DEUP1: variants seen among roughly 807,000 people sequenced by gnomAD.
The protein encoded by DEUP1 is deuterosome assembly protein 1, also known as coiled-coil domain containing 67.
Under a neutral mutation model 87.4 loss-of-function variants are expected in DEUP1, and 82 were observed. That is an observed-to-expected ratio of 0.94 (90% CI 0.78 to 1.13). The LOEUF is 1.13. Ranked by LOEUF, DEUP1 falls within the 50% of genes most tolerant of loss-of-function variation. The probability of loss-of-function intolerance (pLI) is 0.00; values close to 1 mark genes in which losing one functional copy is unlikely to be tolerated. For missense variants in DEUP1, 663 were observed against 681.5 expected, an observed-to-expected ratio of 0.97 and a Z score of 0.30; for synonymous variants, 214 against 222.7, an observed-to-expected ratio of 0.96 and a Z score of 0.35.
At chr11:93,349,385 G>A (rs1332121039) in intron 2 of DEUP1, among the ~76,000 whole-genome samples, 1 of 145,288 alleles carries the variant, frequency 6.9e-6, no homozygotes. Context: ...TTTTAGATAA[G>A]AATAAACCCA....
At chr11:93,343,780 A>T (rs1944193312) in intron 2 of DEUP1, among the ~76,000 whole-genome samples, 1 of 152,216 alleles carries the variant, frequency 6.6e-6, no homozygotes, top group African/African-American at 2.4e-5. Flanking sequence ...TATTTCTATA[A>T]ATATGTCCTT....
chr11:93,401,509 A>G (rs1440515611), intron 11 of DEUP1, among the ~76,000 whole-genome samples: 2 of 152,108 alleles, frequency 1.3e-5, no homozygotes, highest in Non-Finnish European at 2.9e-5. Flanking sequence ...TAGAAAGAAC[A>G]AAGATGGAGA....
At chr11:93,339,484 TAAA>T in intron 2 of DEUP1, among the ~76,000 whole-genome samples, 1 of 152,004 alleles carries the variant, frequency 6.6e-6, no homozygotes, top group Non-Finnish European at 1.5e-5. Flanking sequence ...AATAGGAAAA[TAAA>T]AAGATGAATC....
Position 93,394,622 on chromosome 11 carries a change from T to C in DEUP1, c.1205T>C (p.Leu402Ser), listed in dbSNP as rs1393751324. Residue 402 changes from leucine to serine, a missense_variant, in exon 10 of 14, where the codon TTA (leucine) becomes TCA (serine). Physicochemically the swap from Leu to Ser is moderately radical, Grantham distance 145. Coordinates refer to ENST00000298050, the MANE Select transcript of DEUP1 (RefSeq NM_181645.4). Reference sequence around the variant, plus strand: ...CTGGAAAAACAGTTAAAAATGGAATTAGAAATAAAAGAAAAAATGTTAGCA... The same window carrying C: ...CTGGAAAAACAGTTAAAAATGGAATCAGAAATAAAAGAAAAAATGTTAGCA... ...ALLEKQLKME[L>S]EIKEKMLAKQ... The C allele has an allele frequency of 2.1e-5, 34 of 1,611,306 alleles. No individual in the cohort carries two copies. The highest frequency in any genetic ancestry group is 2.7e-5 in the Non-Finnish European group (32 of 1,179,174).
intron 1 of DEUP1, among the ~76,000 whole-genome samples, chr11:93,331,366 CT>C (rs35351033): frequency 0.013 from 1,946 of 144,888 alleles, 14 homozygotes; most frequent in East Asian, 0.024. Flanking sequence ...CTGAGAAAAA[CT>C]TTTTTTTTTT....
At chr11:93,368,418 G>C (rs1022378992) in intron 5 of DEUP1, among the ~76,000 whole-genome samples, 2 of 152,154 alleles carry the variant, frequency 1.3e-5, no homozygotes, top group Non-Finnish European at 2.9e-5. Context: ...GAAGAAAAGC[G>C]GTTTAATTGA....
intron 8 of DEUP1, among the ~76,000 whole-genome samples, chr11:93,386,034 C>G (rs1343766154): frequency 2.0e-5 from 3 of 149,634 alleles, no homozygotes; most frequent in African/African-American, 7.4e-5. Flanking sequence ...GCCTGGGCAA[C>G]AGAGATCCTG....
intron 5 of DEUP1, among the ~76,000 whole-genome samples, chr11:93,367,397 A>T (rs1299199394): frequency 6.6e-6 from 1 of 152,196 alleles, no homozygotes; most frequent in Non-Finnish European, 1.5e-5. Flanking sequence ...AGCATTGCCA[A>T]TCCAGTCATT....
intron 5 of DEUP1, among the ~76,000 whole-genome samples, chr11:93,366,701 GCCACGCTTCTA>G (rs202234064): frequency 0.015 from 2,249 of 152,274 alleles, 27 homozygotes; most frequent in Non-Finnish European, 0.026. Flanking sequence ...GCTATTCTTG[GCCACGCTTCTA>G]CCTGTTGTAG....
chr11:93,364,388 A>G, intron 5 of DEUP1, 94 bp downstream of exon 5: 2 of 1,108,558 alleles, frequency 1.8e-6, no homozygotes, highest in Non-Finnish European at 2.7e-6. Flanking sequence ...TGGTGTCTTC[A>G]GTTGTGGTAA....
At chr11:93,418,367 C>A (rs1404425105) in intron 13 of DEUP1, among the ~76,000 whole-genome samples, 1 of 151,858 alleles carries the variant, frequency 6.6e-6, no homozygotes, top group Non-Finnish European at 1.5e-5. Context: ...AAAAAGTGGG[C>A]GAAGGACATG....
chr11:93,347,885 G>A (rs575290740), intron 2 of DEUP1, among the ~76,000 whole-genome samples: 12 of 152,092 alleles, frequency 7.9e-5, no homozygotes, highest in South Asian at 2.1e-4. Flanking sequence ...GACTACAGGC[G>A]CGTGCCACCA....
intron 7 of DEUP1, among the ~76,000 whole-genome samples, chr11:93,373,068 T>C (rs1945820177): frequency 6.6e-6 from 1 of 152,178 alleles, no homozygotes; most frequent in Non-Finnish European, 1.5e-5. Context: ...ATACTTACAT[T>C]TTGCAGCTGT....
chr11:93,398,235 T>C (rs1160140066), intron 11 of DEUP1, among the ~76,000 whole-genome samples: 2 of 152,186 alleles, frequency 1.3e-5, no homozygotes, highest in African/African-American at 2.4e-5. Context: ...GGTAACTAAT[T>C]TAAGCCTATT....
At chr11:93,331,524 A>G (rs1198932466) in intron 1 of DEUP1, among the ~76,000 whole-genome samples, 1 of 152,108 alleles carries the variant, frequency 6.6e-6, no homozygotes, top group Non-Finnish European at 1.5e-5. Context: ...TCCTAACAAA[A>G]CCCAGATAGG....
intron 4 of DEUP1, among the ~76,000 whole-genome samples, chr11:93,357,764 T>A (rs1944965793): frequency 6.6e-6 from 1 of 152,194 alleles, no homozygotes; most frequent in South Asian, 2.1e-4. Context: ...ATATGATAAT[T>A]TAATTAAAGG....
chr11:93,434,776 C>T (rs1948194694), intron 13 of DEUP1, among the ~76,000 whole-genome samples: 1 of 152,176 alleles, frequency 6.6e-6, no homozygotes, highest in Non-Finnish European at 1.5e-5. Context: ...ATTCCTACTT[C>T]CTCCCTTTTG....
intron 4 of DEUP1, 27 bp downstream of exon 4, chr11:93,357,070 T>C: frequency 7.6e-7 from 1 of 1,318,508 alleles, no homozygotes; most frequent in Non-Finnish European, 1.0e-6. Flanking sequence ...TAATTTAATA[T>C]CACACATTTT....
chr11:93,418,926 G>T (rs1015419869), intron 13 of DEUP1, among the ~76,000 whole-genome samples: 3 of 150,116 alleles, frequency 2.0e-5, no homozygotes, highest in Non-Finnish European at 4.4e-5. Context: ...GTAAACTATC[G>T]CAAGAACAAA....
Sources: gnomAD v4.1 joint callset for allele counts (sites outside exome capture counted in the v4.1 genomes callset) on GRCh38, gnomAD v4.1.1 for gene constraint, MANE v1.5 for transcripts, NCBI Gene and HGNC (gene_info 2026-07-23, HGNC 2026-07-21) for gene names.